MYO1C: variants seen among roughly 807,000 people sequenced by gnomAD.
MYO1C encodes the protein unconventional myosin-Ic.
Under a neutral mutation model 150.8 loss-of-function variants are expected in MYO1C, and 104 were observed. The ratio of observed to expected loss-of-function variants is 0.69; its 90% CI spans 0.59 to 0.81. The LOEUF is 0.81. Ranked by LOEUF, MYO1C falls within the 30% of genes least tolerant of loss-of-function variation. The pLI is 0.00. For synonymous variants in MYO1C, 663 were observed against 579.9 expected (o/e 1.14, Z -2.06); for missense variants, 1,504 against 1,435.0 (o/e 1.05, Z -0.78).
Position 1,491,537 on chromosome 17 carries a change from CCCGG to C in MYO1C, c.75+872_75+875del, listed in dbSNP as rs941986444. The C allele has an allele frequency of 3.8e-6, 3 of 794,458 alleles. No individual in the cohort carries two copies. In the African/African-American group the frequency reaches 5.6e-5, roughly 15 times the overall value. 49.2% of individuals were successfully genotyped at this position (794,458 alleles called of 1,614,324 possible). ...CTGCCTCGTGCACGGCGGCTCCCGGCCCGGCCGCCCGCTCCCCACACCCGCCCCC... is the reference window on the plus strand; with the variant it reads ...CTGCCTCGTGCACGGCGGCTCCCGGCCCGCCCGCTCCCCACACCCGCCCCC... On this transcript the variant is annotated intron_variant, in intron 1 of 31. Coordinates refer to ENST00000648651, the MANE Select transcript of MYO1C (RefSeq NM_001080779.2).
At position 1,478,741 on chromosome 17, in the gene MYO1C, G is replaced by C. The variant is rs1245397060; in HGVS notation, c.1093-6C>G. 3.7e-6 allele frequency: 6 copies of C among 1,613,620 alleles called. No individual in the cohort carries two copies. The highest frequency in any genetic ancestry group is 3.3e-5 in the Admixed American group (2 of 60,006). ...AGGTTCAGCGGGCTCAGGAGCTGTGGACGCAGCGTGAGACAAGGAGATGAA... is the reference window on the plus strand; with the variant it reads ...AGGTTCAGCGGGCTCAGGAGCTGTGCACGCAGCGTGAGACAAGGAGATGAA... On this transcript the variant is annotated splice_polypyrimidine_tract_variant and splice_region_variant and intron_variant, in intron 9 of 31. Transcript: ENST00000648651. This position sits in a 1 kb window ranked among gnomAD's most constrained non-coding sequence, Gnocchi z 6.3.
At chr17:1,474,763 G>A (rs751590338) in intron 16 of MYO1C, 49 bp downstream of exon 16, 390 of 1,611,330 alleles carry the variant, frequency 2.4e-4, no homozygotes, top group Non-Finnish European at 3.2e-4. Context: ...CAGGTGCAGA[G>A]CTGTGGGCTA....
rs2074278405 is a variant in MYO1C, at chr17:1,470,484, C to G, written c.2317G>C (p.Gly773Arg). Residue 773 changes from glycine to arginine, a missense_variant, in exon 23 of 32, where the codon GGC (glycine) becomes CGC (arginine). Gly to Arg is a moderately radical substitution (Grantham distance 125). Coordinates refer to ENST00000648651, the MANE Select transcript of MYO1C (RefSeq NM_001080779.2). ...TTCCTCTTGGCTGCCTTCCTCCGGC[C>G]CAGTGTTCCACGCCACCACGACTGG... ...CIQSWWRGTL[G>R]RRKAAKRKWA... 1 of 1,551,240 alleles carries G rather than the reference C, an allele frequency of 6.4e-7. No homozygotes were observed. The highest frequency in any genetic ancestry group is 8.7e-7 in the Non-Finnish European group (1 of 1,147,308).
chr17:1,466,587 CA>C (rs916122127), intron 31 of MYO1C, among the ~76,000 whole-genome samples: 4 of 151,460 alleles, frequency 2.6e-5, no homozygotes, highest in African/African-American at 9.7e-5. Context: ...CTTCGCCTCC[CA>C]AAGTGCTGGG....
Position 1,468,442 on chromosome 17 carries a change from G to A in MYO1C, c.2665C>T (p.Pro889Ser), listed in dbSNP as rs562671818. ...EIFKGKKDNYPQSVPRLFIST... is the reference protein window; with the variant it reads ...EIFKGKKDNYSQSVPRLFIST... ...ATGAAGAGCCTGGGTACACTCTGAG[G>A]GTAATTATCCTTCTTGCCCTTGAAG... The change falls in exon 26 of 32, where the codon CCT becomes TCT. Residue 889 changes from proline (P) to serine (S), a missense_variant. Transcript: ENST00000648651. The A allele has an allele frequency of 1.7e-5, 28 of 1,614,030 alleles. No individual in the cohort carries two copies. The highest frequency in any genetic ancestry group is 8.3e-5 in the Admixed American group (5 of 60,002).
chr17:1,476,264 C>T (rs141876436), intron 14 of MYO1C, among the ~76,000 whole-genome samples: 18 of 151,982 alleles, frequency 1.2e-4, no homozygotes, highest in African/African-American at 3.6e-4. Context: ...CTGCAAGCTC[C>T]GCCCCCCAGG....
intron 29 of MYO1C, 130 bp downstream of exon 29, chr17:1,467,710 C>T (rs1162473753): frequency 4.5e-5 from 37 of 827,576 alleles, no homozygotes; most frequent in Non-Finnish European, 6.0e-5. Flanking sequence ...CACCTCCTGA[C>T]CCCCCAATCT....
chr17:1,486,615 T>C (rs1302768833), intron 1 of MYO1C, among the ~76,000 whole-genome samples: 1 of 152,012 alleles, frequency 6.6e-6, no homozygotes. Context: ...TCCCGGGTTC[T>C]AGCGATTTTC....
At chr17:1,470,863 G>A (rs2074288538) in intron 21 of MYO1C, 174 bp from the exon 22 acceptor site, 7 of 910,958 alleles carry the variant, frequency 7.7e-6, no homozygotes, top group East Asian at 2.6e-5. Context: ...GGGGGGCGGC[G>A]GGTGGGATGG....
chr17:1,473,429 C>T (rs1237444677), intron 17 of MYO1C, among the ~76,000 whole-genome samples: 2 of 151,986 alleles, frequency 1.3e-5, no homozygotes, highest in Non-Finnish European at 2.9e-5. Flanking sequence ...AGCAGGGAGA[C>T]GCTAGGGCCG....
intron 1 of MYO1C, among the ~76,000 whole-genome samples, chr17:1,487,778 G>A (rs1293788810): frequency 6.6e-6 from 1 of 152,214 alleles, no homozygotes; most frequent in Non-Finnish European, 1.5e-5. Context: ...AATTAGCTGA[G>A]CGTGGTGGTG....
Position 1,465,183 on chromosome 17 carries a change from G to A in MYO1C, c.*543C>T, listed in dbSNP as rs2074145196. ...TCTCAGCCCCCAGATGGAAGTCAGA[G>A]TGGGCTGCAAAAGATGCAGATGGGC... is the stretch of plus-strand genomic sequence containing the variant. On this transcript the variant is annotated 3_prime_UTR_variant, in exon 32 of 32. Coordinates refer to ENST00000648651, the MANE Select transcript of MYO1C (RefSeq NM_001080779.2). 6.5e-6 allele frequency: 1 copy of A among 152,902 alleles called. No individual in the cohort carries two copies. Among genetic ancestry groups the A allele is most frequent in the Admixed American group, 6.6e-5 (1 of 15,258 alleles). The allele number at this position is 152,902 out of a possible 1,614,324, so 9.5% of individuals were successfully genotyped here. A position where few individuals can be genotyped will look rare whatever the true frequency, so the allele number is the denominator to read the frequency against.
chr17:1,490,558 C>A (rs1236021694), intron 1 of MYO1C, among the ~76,000 whole-genome samples: 3 of 152,138 alleles, frequency 2.0e-5, no homozygotes, highest in Admixed American at 1.3e-4. Flanking sequence ...CTGCTCCTTA[C>A]CTGGGCCAAG....
intron 1 of MYO1C, chr17:1,485,228 C>A (rs990905628): frequency 8.6e-7 from 1 of 1,167,594 alleles, no homozygotes; most frequent in Non-Finnish European, 1.1e-6. Context: ...CCTCTTCAAA[C>A]AGGGTCTCAG....
chr17:1,480,636 G>C lies in MYO1C; in HGVS notation c.808-11C>G. The stretch of plus-strand genomic sequence containing the variant: ...TTTGGCACACTGGCCCTGGAGGAAG[G>C]GCACAGCTGGGTTGCCAGCCCTGGC... On this transcript the variant is annotated splice_polypyrimidine_tract_variant and intron_variant, in intron 6 of 31. Transcript: ENST00000648651. 2 of 1,614,024 alleles carry C rather than the reference G, an allele frequency of 1.2e-6. No individual in the cohort carries two copies. The highest frequency in any genetic ancestry group is 2.2e-5 in the South Asian group (2 of 91,062).
At chr17:1,472,460 A>G (rs2074324748) in intron 17 of MYO1C, 2 of 549,130 alleles carry the variant, frequency 3.6e-6, no homozygotes, top group Admixed American at 6.3e-5. Context: ...CCAGCCTAAA[A>G]CTCCTGCTCA....
rs1299392949 is a variant in MYO1C, at chr17:1,465,363, G to A, written c.*363C>T. ...TGGAGTCAGGGAAAACACATCCACT[G>A]TGTCCTTGGGTGGGAAATGGCTTTT... is the stretch of plus-strand genomic sequence containing the variant. On this transcript the variant is annotated 3_prime_UTR_variant, in exon 32 of 32. Transcript: ENST00000648651. The A allele has an allele frequency of 5.0e-5, 9 of 179,042 alleles. No individual in the cohort carries two copies. In the East Asian group the frequency reaches 9.4e-4, roughly 19 times the overall value. The allele number at this position is 179,042 out of a possible 1,614,324, so 11.1% of individuals were successfully genotyped here. A position where few individuals can be genotyped will look rare whatever the true frequency, so the allele number is the denominator to read the frequency against.
Position 1,478,129 on chromosome 17 carries a change from C to G in MYO1C, c.1359G>C (p.Thr453=). The G allele has an allele frequency of 6.2e-7, 1 of 1,614,082 alleles. No individual in the cohort carries two copies. Among genetic ancestry groups the G allele is most frequent in the African/African-American group, 1.3e-5 (1 of 75,068 alleles). ...CGTACTCCTCCTGCTCCGACTTGAG[C>G]GTGAGCTCGATGAAGAGCTGCTGCA... ...EKLQQLFIEL[T]LKSEQEEYEA... is the part of the protein sequence containing the mutation. Residue 453 remains threonine (T), a synonymous_variant, in exon 12 of 32, where the codon ACG becomes ACC. Transcript: ENST00000648651. The surrounding 1 kb of genome is among the most constrained non-coding windows in gnomAD (Gnocchi z 6.3).
rs2074278617 is a variant in MYO1C, at chr17:1,470,492, C to T, written c.2309G>A (p.Gly770Glu). 2 of 1,551,476 alleles carry T rather than the reference C, an allele frequency of 1.3e-6. No homozygotes were observed. The highest frequency in any genetic ancestry group is 1.7e-6 in the Non-Finnish European group (2 of 1,147,404). ...SAICIQSWWR[G>E]TLGRRKAAKR... The stretch of plus-strand genomic sequence containing the variant: ...GGCTGCCTTCCTCCGGCCCAGTGTT[C>T]CACGCCACCACGACTGGATGCAGAT... The change falls in exon 23 of 32, where the codon GGA becomes GAA. Residue 770 changes from glycine to glutamate, a missense_variant. Gly to Glu is a moderately conservative substitution (Grantham distance 98). Coordinates refer to ENST00000648651, the MANE Select transcript of MYO1C (RefSeq NM_001080779.2).
Sources: gnomAD v4.1 joint callset for allele counts (sites outside exome capture counted in the v4.1 genomes callset) on GRCh38, gnomAD v4.1.1 for gene constraint, Gnocchi (gnomAD v3.1) non-coding constraint, MANE v1.5 for transcripts, NCBI Gene and HGNC (gene_info 2026-07-23, HGNC 2026-07-21) for gene names.